The following DNAL4 variants were observed in gnomAD, a reference collection of about 807,000 sequenced individuals.
DNAL4 encodes the protein dynein axonemal light chain 4.
In DNAL4, 10 loss-of-function variants were observed where a neutral mutation model predicts 12.6. The ratio of observed to expected loss-of-function variants is 0.79; its 90% CI spans 0.49 to 1.34. The LOEUF (loss-of-function observed/expected upper bound fraction) is 1.34, where lower values mean the gene tolerates loss of function less well. Among genes scored for constraint, DNAL4 ranks in the 40% most tolerant of loss-of-function variants. The pLI is 0.00. For missense variants in DNAL4, 128 were observed against 138.1 expected (o/e 0.93, Z 0.37); for synonymous variants, 46 against 53.1 (o/e 0.87, Z 0.58).
chr22:38,779,444 G>C lies in DNAL4; in HGVS notation c.*5C>G. On this transcript the variant is annotated 3_prime_UTR_variant, in exon 4 of 4. Coordinates refer to ENST00000216068, the MANE Select transcript of DNAL4 (RefSeq NM_005740.3). The surrounding 1 kb of genome is among the most constrained non-coding windows in gnomAD (Gnocchi z 4.3). ...CCTGCAGGGGACGGGGCAGGGGACAGAGTGTCAGGAGCACTTCCAGACGCA... is the reference window on the plus strand; with the variant it reads ...CCTGCAGGGGACGGGGCAGGGGACACAGTGTCAGGAGCACTTCCAGACGCA... The C allele has an allele frequency of 6.4e-7, 1 of 1,564,770 alleles. No homozygotes were observed. The highest frequency in any genetic ancestry group is 8.7e-7 in the Non-Finnish European group (1 of 1,154,804).
At chr22:38,793,214 G>A (rs1422379009) in intron 1 of DNAL4, among the ~76,000 whole-genome samples, 2 of 152,172 alleles carry the variant, frequency 1.3e-5, no homozygotes, top group Non-Finnish European at 2.9e-5. Context: ...AAGCCCAGGA[G>A]GAAGATCAGA....
chr22:38,788,225 T>C (rs1442517766), intron 1 of DNAL4, among the ~76,000 whole-genome samples: 1 of 152,156 alleles, frequency 6.6e-6, no homozygotes, highest in Non-Finnish European at 1.5e-5. Flanking sequence ...CAGGAAATGA[T>C]GCAGAAGCCA....
chr22:38,781,560 T>C (rs2093034444), intron 2 of DNAL4, among the ~76,000 whole-genome samples: 1 of 152,158 alleles, frequency 6.6e-6, no homozygotes, highest in Non-Finnish European at 1.5e-5. Context: ...CCCACACTTC[T>C]ACCCCCAGCT....
chr22:38,787,237 T>C (rs1048712885), intron 1 of DNAL4, among the ~76,000 whole-genome samples: 1 of 151,550 alleles, frequency 6.6e-6, no homozygotes, highest in African/African-American at 2.4e-5. Context: ...TCTTTCTTTC[T>C]TTCTTTCTTT....
In DNAL4 at chr22:38,779,293, T is replaced by TCCC; in HGVS notation, c.*155_*156insGGG. 1 of 995,984 alleles carries TCCC rather than the reference T, an allele frequency of 1.0e-6. No individual in the cohort carries two copies. The highest frequency in any genetic ancestry group is 1.4e-6 in the Non-Finnish European group (1 of 707,432). The allele number at this position is 995,984 out of a possible 1,614,324, so 61.7% of individuals were successfully genotyped here. ...GAGCCTGGGGATGGAGATGTCAAGT[T>TCCC]CACACACTGGGCGTGGCTCAGGAAA... On this transcript the variant is annotated 3_prime_UTR_variant, in exon 4 of 4. Coordinates refer to ENST00000216068, the MANE Select transcript of DNAL4 (RefSeq NM_005740.3). The surrounding 1 kb of genome is among the most constrained non-coding windows in gnomAD (Gnocchi z 4.3).
chr22:38,787,110 C>T (rs776773245), intron 1 of DNAL4, among the ~76,000 whole-genome samples: 1 of 152,190 alleles, frequency 6.6e-6, no homozygotes, highest in Non-Finnish European at 1.5e-5. Flanking sequence ...TTGCAGGACA[C>T]ACCTGGAGCA....
At chr22:38,785,175 A>G (rs1487776171) in intron 1 of DNAL4, 1 of 152,214 alleles carries the variant, frequency 6.6e-6, no homozygotes, top group Non-Finnish European at 1.5e-5. Flanking sequence ...AATTCAGGGA[A>G]TCATTTTGTC....
At position 38,780,940 on chromosome 22, in the gene DNAL4, A is replaced by G. The variant is rs775108113; in HGVS notation, c.139T>C (p.Ser47Pro). 13 of 1,614,238 alleles carry G rather than the reference A, an allele frequency of 8.1e-6. No individual in the cohort carries two copies. Among genetic ancestry groups the G allele is most frequent in the Non-Finnish European group, 1.1e-5 (13 of 1,180,026 alleles). The change falls in exon 3 of 4, where the codon TCC (serine) becomes CCC (proline). Residue 47 changes from serine (S) to proline (P), a missense_variant. By Grantham distance (74) the Ser-to-Pro change is moderately conservative. Transcript: ENST00000216068. ...GCTGGCAATACCTCGTTGTTGTTGGAGAATTTCTCACAGGCTGTGACACAT... is the reference window on the plus strand; with the variant it reads ...GCTGGCAATACCTCGTTGTTGTTGGGGAATTTCTCACAGGCTGTGACACAT... ...ELCVTACEKF[S>P]NNNESAAKMI...
In DNAL4 at chr22:38,787,200, T is replaced by G. The variant is rs1239064830; in HGVS notation, c.-139-4330A>C. On this transcript the variant is annotated intron_variant, in intron 1 of 3. Transcript: ENST00000216068. ...GTTCTGTTTTAGACAAGGGCTTACC[T>G]CCCTAAGCCTCAGTTTTCTTTTCTT... 2.6e-5 allele frequency among the ~76,000 whole-genome samples: 4 copies of G among 151,796 alleles called. No homozygotes were observed. The East Asian group carries it at 7.7e-4, about 29-fold the overall frequency.
Position 38,794,127 on chromosome 22 carries a change from A to G in DNAL4, c.-199T>C, listed in dbSNP as rs894481356. 2 of 152,262 alleles carry G rather than the reference A, an allele frequency of 1.3e-5. No individual in the cohort carries two copies. The highest frequency in any genetic ancestry group is 2.4e-5 in the African/African-American group (1 of 41,468). The allele number at this position is 152,262 out of a possible 1,614,324, so 9.4% of individuals were successfully genotyped here. A position where few individuals can be genotyped will look rare whatever the true frequency, so the allele number is the denominator to read the frequency against. ...CAGCGAACCCCCGCCAGGGTTGTCA[A>G]GGAGCGAAACAAGAGTGTCTTAGCA... On this transcript the variant is annotated 5_prime_UTR_variant, in exon 1 of 4. Coordinates refer to ENST00000216068, the MANE Select transcript of DNAL4 (RefSeq NM_005740.3).
At chr22:38,786,040 ATG>A (rs772764245) in intron 1 of DNAL4, 1 of 152,244 alleles carries the variant, frequency 6.6e-6, no homozygotes, top group Non-Finnish European at 1.5e-5. Context: ...GTTATAGATG[ATG>A]TGTTTCCAAA....
Position 38,779,397 on chromosome 22 carries a change from C to T in DNAL4, c.*52G>A, listed in dbSNP as rs546025250. On this transcript the variant is annotated 3_prime_UTR_variant, in exon 4 of 4. Coordinates refer to ENST00000216068, the MANE Select transcript of DNAL4 (RefSeq NM_005740.3). The surrounding 1 kb of genome is among the most constrained non-coding windows in gnomAD (Gnocchi z 4.3). Reference sequence around the variant, plus strand: ...ACCTGCCTAGGGCTGCTCCCCACCCCAGATGAGTGGCAGGAAAAGGCCCTG... The same window carrying T: ...ACCTGCCTAGGGCTGCTCCCCACCCTAGATGAGTGGCAGGAAAAGGCCCTG... 17 of 1,533,596 alleles carry T rather than the reference C, an allele frequency of 1.1e-5. No individual in the cohort carries two copies. In the South Asian group the frequency reaches 1.8e-4, roughly 16 times the overall value. The allele number at this position is 1,533,596 out of a possible 1,614,324, so 95.0% of individuals were successfully genotyped here.
At chr22:38,787,662 C>T (rs917222002) in intron 1 of DNAL4, among the ~76,000 whole-genome samples, 3 of 152,164 alleles carry the variant, frequency 2.0e-5, no homozygotes, top group African/African-American at 7.2e-5. Flanking sequence ...AAACGTGCAG[C>T]CAAACAAACC....
intron 2 of DNAL4, among the ~76,000 whole-genome samples, chr22:38,781,445 TC>T (rs548491892): frequency 9.2e-5 from 14 of 152,172 alleles, no homozygotes; most frequent in African/African-American, 3.4e-4. Context: ...TCCTCCCAGC[TC>T]CTGGAGGGCC....
In DNAL4 at chr22:38,779,490, A is replaced by C. The variant is rs746629700; in HGVS notation, c.277T>G (p.Phe93Val). Reference protein sequence around the residue: ...HEVKNLLYLYFGGTLAVCVWK... With the variant: ...HEVKNLLYLYVGGTLAVCVWK... ...ACGCACACAGCCAGGGTGCCCCCGAAGTACAGGTAGAGGAGGTTCTTCACC... is the reference window on the plus strand; with the variant it reads ...ACGCACACAGCCAGGGTGCCCCCGACGTACAGGTAGAGGAGGTTCTTCACC... The change falls in exon 4 of 4, where the codon TTC (phenylalanine) becomes GTC (valine). Residue 93 changes from phenylalanine (F) to valine (V), a missense_variant. By Grantham distance (50) the Phe-to-Val change is conservative (BLOSUM62 -1). Transcript: ENST00000216068. The surrounding 1 kb of genome is among the most constrained non-coding windows in gnomAD (Gnocchi z 4.3). 1.3e-6 allele frequency: 2 copies of C among 1,581,142 alleles called. No homozygotes were observed. Among genetic ancestry groups the C allele is most frequent in the Non-Finnish European group, 1.7e-6 (2 of 1,162,906 alleles).
At position 38,779,714 on chromosome 22, in the gene DNAL4, A is replaced by C; in HGVS notation, c.154-101T>G. The C allele has an allele frequency of 4.3e-6, 6 of 1,405,748 alleles. No individual in the cohort carries two copies. Among genetic ancestry groups the C allele is most frequent in the Non-Finnish European group, 5.7e-6 (6 of 1,047,526 alleles). The allele number at this position is 1,405,748 out of a possible 1,614,324, so 87.1% of individuals were successfully genotyped here. ...GAAGGCTGGCACTGAGGTCTTGGCAAGAGAAAGGCCTGCTGTCCTATTTCT... is the reference window on the plus strand; with the variant it reads ...GAAGGCTGGCACTGAGGTCTTGGCACGAGAAAGGCCTGCTGTCCTATTTCT... On this transcript the variant is annotated intron_variant, in intron 3 of 3. Coordinates refer to ENST00000216068, the MANE Select transcript of DNAL4 (RefSeq NM_005740.3). This position sits in a 1 kb window ranked among gnomAD's most constrained non-coding sequence, Gnocchi z 4.3.
rs1180811374 is a variant in DNAL4, at chr22:38,779,838, G to A, written c.154-225C>T. 2.0e-5 allele frequency among the ~76,000 whole-genome samples: 3 copies of A among 152,186 alleles called. No individual in the cohort carries two copies. Among genetic ancestry groups the A allele is most frequent in the Non-Finnish European group, 4.4e-5 (3 of 68,024 alleles). On this transcript the variant is annotated intron_variant, in intron 3 of 3. Transcript: ENST00000216068. The surrounding 1 kb of genome is among the most constrained non-coding windows in gnomAD (Gnocchi z 4.3). ...CTAGACATTACTCAGCAGTCAAGAA[G>A]AAACTGGCTGAGGCGGGAAGGCAAG...
intron 1 of DNAL4, among the ~76,000 whole-genome samples, chr22:38,789,180 C>T (rs2093046762): frequency 6.6e-6 from 1 of 152,084 alleles, no homozygotes; most frequent in Non-Finnish European, 1.5e-5. Flanking sequence ...TATAGCCACA[C>T]AGCCTGAAAA....
chr22:38,783,313 G>A (rs1372872031), intron 1 of DNAL4, among the ~76,000 whole-genome samples: 1 of 147,172 alleles, frequency 6.8e-6, no homozygotes, highest in Non-Finnish European at 1.5e-5. Flanking sequence ...CTACACACAC[G>A]GGCCTTCCCT....
Sources: allele counts gnomAD v4.1 joint callset (sites outside exome capture counted in the v4.1 genomes callset), GRCh38; gene constraint gnomAD v4.1.1; non-coding constraint Gnocchi (gnomAD v3.1); transcripts MANE v1.5; gene names NCBI Gene and HGNC (gene_info 2026-07-23, HGNC 2026-07-21).